SEC16A: variants seen among roughly 807,000 people sequenced by gnomAD.
SEC16A encodes the protein SEC16 homolog A, endoplasmic reticulum export factor, also known as protein transport protein Sec16A.
SEC16A carries 110 observed loss-of-function variants against 221.9 expected under a neutral mutation model. That is an observed-to-expected ratio of 0.50 (90% CI 0.42 to 0.58). The LOEUF (loss-of-function observed/expected upper bound fraction) is 0.58. SEC16A is among the 20% of genes least tolerant of loss of function. The probability of loss-of-function intolerance (pLI) is 0.00; values close to 1 mark genes in which losing one functional copy is unlikely to be tolerated. For synonymous variants in SEC16A, 1,393 were observed against 1,257.7 expected, an observed-to-expected ratio of 1.11 and a Z score of -2.28; for missense variants, 3,165 against 3,097.8, an observed-to-expected ratio of 1.02 and a Z score of -0.52.
In SEC16A at chr9:136,447,831, A is replaced by G. The variant is rs370747878; in HGVS notation, c.6447+22T>C. On this transcript the variant is annotated intron_variant, in intron 25 of 31. Coordinates refer to ENST00000684901, the MANE Select transcript of SEC16A (RefSeq NM_014866.2). The surrounding 1 kb of genome is among the most constrained non-coding windows in gnomAD (Gnocchi z 5.5). ...CCTCCACTCACACCTCACACCCAAC[A>G]GGAACTAGAATGACAATTTACCTCC... The G allele has an allele frequency of 6.2e-7, 1 of 1,604,784 alleles. No homozygotes were observed. Among genetic ancestry groups the G allele is most frequent in the East Asian group, 2.2e-5 (1 of 44,752 alleles).
upstream of SEC16A, chr9:136,484,476 G>T: frequency 8.2e-7 from 1 of 1,212,948 alleles, no homozygotes; most frequent in South Asian, 1.5e-5. Flanking sequence ...CTGCACACCT[G>T]CCTGGCAAGG....
In SEC16A at chr9:136,447,433, C is replaced by A; in HGVS notation, c.6560-69G>T. 6.4e-7 allele frequency: 1 copy of A among 1,574,420 alleles called. No individual in the cohort carries two copies. The highest frequency in any genetic ancestry group is 2.3e-5 in the East Asian group (1 of 43,050). On this transcript the variant is annotated intron_variant, in intron 26 of 31. Coordinates refer to ENST00000684901, the MANE Select transcript of SEC16A (RefSeq NM_014866.2). This position sits in a 1 kb window ranked among gnomAD's most constrained non-coding sequence, Gnocchi z 5.5. ...GCCTCCAGCTTCCAAATGCTCTGCG[C>A]TCACTGCGTCAGAGGAAAAGCACGC...
At chr9:136,449,194 G>T (rs1327162027) in intron 23 of SEC16A, among the ~76,000 whole-genome samples, 1 of 152,218 alleles carries the variant, frequency 6.6e-6, no homozygotes, top group Non-Finnish European at 1.5e-5. Flanking sequence ...TTTCCCATGT[G>T]TGGAGAATTC....
Position 136,458,483 on chromosome 9 carries a change from C to T in SEC16A, c.5409+651G>A, listed in dbSNP as rs971624712. Among the ~76,000 whole-genome samples, 4 of 151,834 alleles carry T rather than the reference C, an allele frequency of 2.6e-5. No homozygotes were observed. In the East Asian group the frequency reaches 7.8e-4, roughly 30 times the overall value. The stretch of plus-strand genomic sequence containing the variant: ...CTCTACTAAAAATACAAAAAATTAG[C>T]CGGGCGTGGTCGTGGGTGCCTGTAG... On this transcript the variant is annotated intron_variant, in intron 17 of 31. Coordinates refer to ENST00000684901, the MANE Select transcript of SEC16A (RefSeq NM_014866.2).
upstream of SEC16A, chr9:136,483,782 C>T (rs1311692812): frequency 1.3e-5 from 13 of 985,412 alleles, no homozygotes; most frequent in Non-Finnish European, 1.6e-5. Flanking sequence ...GGCTGGGAGG[C>T]TGGAGGGCAG....
chr9:136,464,271 C>G, intron 9 of SEC16A, 149 bp downstream of exon 9: 1 of 757,818 alleles, frequency 1.3e-6, no homozygotes, highest in Non-Finnish European at 2.0e-6. Context: ...AGAAGAAAAA[C>G]CCTACAAATT....
At chr9:136,454,425 G>A in intron 20 of SEC16A, 98 bp from the exon 21 acceptor site, 1 of 1,114,582 alleles carries the variant, frequency 9.0e-7, no homozygotes. Flanking sequence ...AAGTTATTTT[G>A]TACAGCCCCA....
rs1441036909 is a variant in SEC16A at position 136,476,320 on chromosome 9, G to C, written c.1296C>G (p.Ser432Arg). 3.1e-6 allele frequency: 5 copies of C among 1,612,746 alleles called. No homozygotes were observed. In the African/African-American group the frequency reaches 6.7e-5, roughly 22 times the overall value. ...CCCACACATCACCAGCAGCCTCATTGCTGGGGCCTGGGAGAAGGGCCTGGC... is the reference window on the plus strand; with the variant it reads ...CCCACACATCACCAGCAGCCTCATTCCTGGGGCCTGGGAGAAGGGCCTGGC... ...SLCQALLPGP[S>R]NEAAGDVWGD... The change falls in exon 3 of 32, where the codon AGC (serine) becomes AGG (arginine). Residue 432 changes from serine (S) to arginine (R), a missense_variant. By Grantham distance (110) the Ser-to-Arg change is moderately radical (BLOSUM62 -1). Coordinates refer to ENST00000684901, the MANE Select transcript of SEC16A (RefSeq NM_014866.2).
At position 136,447,246 on chromosome 9, in the gene SEC16A, G is replaced by A. The variant is rs1018940225; in HGVS notation, c.6678C>T (p.Asn2226=). 9 of 1,596,526 alleles carry A rather than the reference G, an allele frequency of 5.6e-6. No homozygotes were observed. Among genetic ancestry groups the A allele is most frequent in the Middle Eastern group, 3.3e-4 (2 of 6,054 alleles). The change falls in exon 27 of 32, where the codon AAC becomes AAT. Residue 2226 remains asparagine, a synonymous_variant. Coordinates refer to ENST00000684901, the MANE Select transcript of SEC16A (RefSeq NM_014866.2). The surrounding 1 kb of genome is among the most constrained non-coding windows in gnomAD (Gnocchi z 5.5). ...APLAPLPIPS[N]LFVPTPDAEE... ...ACCTACCTGGGGTTGGCACGAACAA[G>A]TTAGAAGGAATTGGGAGTGGCGCGA...
chr9:136,448,463 CCA>C (rs769277750), intron 23 of SEC16A: 321 of 693,116 alleles, frequency 4.6e-4, no homozygotes, highest in Non-Finnish European at 7.7e-4. Flanking sequence ...GGGAGCAGAT[CCA>C]CAGAGACACC....
intron 31 of SEC16A, among the ~76,000 whole-genome samples, chr9:136,443,014 C>T (rs1836415717): frequency 6.6e-6 from 1 of 152,240 alleles, no homozygotes; most frequent in Non-Finnish European, 1.5e-5. Context: ...GATTCCAAAG[C>T]TGGGGGACCC....
At position 136,447,420 on chromosome 9, in the gene SEC16A, C is replaced by T. The variant is rs1837161187; in HGVS notation, c.6560-56G>A. On this transcript the variant is annotated intron_variant, in intron 26 of 31. Coordinates refer to ENST00000684901, the MANE Select transcript of SEC16A (RefSeq NM_014866.2). This position sits in a 1 kb window ranked among gnomAD's most constrained non-coding sequence, Gnocchi z 5.5. ...AACGCGCCAGGTGGCCTCCAGCTTC[C>T]AAATGCTCTGCGCTCACTGCGTCAG... The T allele has an allele frequency of 6.3e-7, 1 of 1,579,764 alleles. No individual in the cohort carries two copies. The highest frequency in any genetic ancestry group is 8.6e-7 in the Non-Finnish European group (1 of 1,162,922).
At chr9:136,457,905 C>T (rs539245718) in intron 17 of SEC16A, among the ~76,000 whole-genome samples, 11 of 152,362 alleles carry the variant, frequency 7.2e-5, no homozygotes, top group Non-Finnish European at 1.6e-4. Flanking sequence ...GGCACTGAGA[C>T]CACTGCCTTC....
chr9:136,465,983 CG>C lies in SEC16A; in HGVS notation c.4281del (p.Val1428SerfsTer36). The C allele has an allele frequency of 6.2e-7, 1 of 1,613,300 alleles. No individual in the cohort carries two copies. Among genetic ancestry groups the C allele is most frequent in the Non-Finnish European group, 8.5e-7 (1 of 1,179,864 alleles). On this transcript the variant is annotated frameshift_variant, in exon 8 of 32. Coordinates refer to ENST00000684901, the MANE Select transcript of SEC16A (RefSeq NM_014866.2). LOFTEE classifies it high-confidence loss of function. ...GFPEYGYPADTVWPAMEQVSS... is the reference protein window; with the variant it reads ...GFPEYGYPADXVWPAMEQVSS... The stretch of plus-strand genomic sequence containing the variant: ...ACACCTTGCTCCATGGCAGGCCAGA[CG>C]GTGTCGGCAGGGTAGCCATACTCTG...
At position 136,476,329 on chromosome 9, in the gene SEC16A, T is replaced by C; in HGVS notation, c.1287A>G (p.Pro429=). 1.2e-6 allele frequency: 2 copies of C among 1,612,506 alleles called. No individual in the cohort carries two copies. Among genetic ancestry groups the C allele is most frequent in the East Asian group, 2.2e-5 (1 of 44,886 alleles). Residue 429 remains proline, a synonymous_variant, in exon 3 of 32, where the codon CCA becomes CCG. Coordinates refer to ENST00000684901, the MANE Select transcript of SEC16A (RefSeq NM_014866.2). ...CACCAGCAGCCTCATTGCTGGGGCC[T>C]GGGAGAAGGGCCTGGCAGAGGCTGC... is the stretch of plus-strand genomic sequence containing the variant. ...GAGSLCQALL[P]GPSNEAAGDV...
Position 136,443,808 on chromosome 9 carries a change from G to GT in SEC16A, c.7005+14dup. The GT allele has an allele frequency of 6.2e-7, 1 of 1,606,706 alleles. No individual in the cohort carries two copies. Among genetic ancestry groups the GT allele is most frequent in the Non-Finnish European group, 8.5e-7 (1 of 1,175,290 alleles). ...GCGTGTTAGGGTCTCGTAGGGAAAGGTAGGAGTCACTCACCTGTGCCAGCT... is the reference window on the plus strand; with the variant it reads ...GCGTGTTAGGGTCTCGTAGGGAAAGGTTAGGAGTCACTCACCTGTGCCAGCT... On this transcript the variant is annotated intron_variant, in intron 31 of 31. Coordinates refer to ENST00000684901, the MANE Select transcript of SEC16A (RefSeq NM_014866.2).
intron 21 of SEC16A, 31 bp from the exon 22 acceptor site, chr9:136,453,541 TCA>T (rs747361293): frequency 6.3e-7 from 1 of 1,576,848 alleles, no homozygotes; most frequent in South Asian, 1.1e-5. Flanking sequence ...AACTATGATC[TCA>T]GTCACGAGAA....
Position 136,464,520 on chromosome 9 carries a change from T to G in SEC16A, c.4346A>C (p.His1449Pro), listed in dbSNP as rs1320386385. The stretch of plus-strand genomic sequence containing the variant: ...GCCAGGGCCAAACCTGGCACAGACA[T>G]GAGGCACTGAAAATTTTTCAGGAGA... ...PTSPEKFSVP[H>P]VCARFGPGGQ... The change falls in exon 9 of 32, where the codon CAT becomes CCT. Residue 1449 changes from histidine (H) to proline (P), a missense_variant. Coordinates refer to ENST00000684901, the MANE Select transcript of SEC16A (RefSeq NM_014866.2). 3.7e-6 allele frequency: 6 copies of G among 1,606,884 alleles called. No homozygotes were observed. Among genetic ancestry groups the G allele is most frequent in the South Asian group, 1.1e-5 (1 of 90,948 alleles).
intron 29 of SEC16A, 96 bp from the exon 30 acceptor site, chr9:136,445,207 T>C: frequency 9.5e-7 from 1 of 1,047,530 alleles, no homozygotes; most frequent in East Asian, 2.6e-5. Flanking sequence ...AAAAGCTTTG[T>C]GATGCCATTA....
Sources: allele counts gnomAD v4.1 joint callset (sites outside exome capture counted in the v4.1 genomes callset), GRCh38; gene constraint gnomAD v4.1.1; non-coding constraint Gnocchi (gnomAD v3.1); transcripts MANE v1.5; gene names NCBI Gene and HGNC (gene_info 2026-07-23, HGNC 2026-07-21).